Variants in ADCY8 observed in about 807,000 individuals in gnomAD.
ADCY8 encodes the protein adenylate cyclase type 8.
In ADCY8, 51 loss-of-function variants were observed where a neutral mutation model predicts 119.7. The ratio of observed to expected loss-of-function variants is 0.43; its 90% confidence interval spans 0.34 to 0.54. ADCY8 has a LOEUF of 0.54. ADCY8 is among the 20% of genes least tolerant of loss of function. ADCY8 has a pLI of 0.03. For synonymous variants in ADCY8, 665 were observed against 651.0 expected, an observed-to-expected ratio of 1.02 and a Z score of -0.33; for missense variants, 1,383 against 1,598.8, an observed-to-expected ratio of 0.87 and a Z score of 2.30.
At chr8:130,892,211 C>T (rs1586540532) in intron 7 of ADCY8, 1 of 152,120 alleles carries the variant, frequency 6.6e-6, no homozygotes, top group East Asian at 1.9e-4. Flanking sequence ...TGTAGGATTT[C>T]AGCACCCCTC....
rs1320361151 is a variant in ADCY8, at chr8:130,884,764, AG to A, written c.1912-4del. 6.2e-7 allele frequency: 1 copy of A among 1,613,752 alleles called. No homozygotes were observed. The highest frequency in any genetic ancestry group is 8.5e-7 in the Non-Finnish European group (1 of 1,179,736). ...TTTCTTGTTAGGGCAGCCAGAGTCT[AG>A]GGGGAAAGCACATGCAAACACAATA... On this transcript the variant is annotated splice_region_variant and splice_polypyrimidine_tract_variant and intron_variant, in intron 7 of 17. Transcript: ENST00000286355.
chr8:131,013,717 G>A (rs1221806499), intron 1 of ADCY8, among the ~76,000 whole-genome samples: 1 of 151,812 alleles, frequency 6.6e-6, no homozygotes, highest in Non-Finnish European at 1.5e-5. Flanking sequence ...AATTGGGTTT[G>A]AAGAAGCATT....
chr8:130,822,804 G>T (rs1816559916), intron 12 of ADCY8, among the ~76,000 whole-genome samples: 1 of 152,178 alleles, frequency 6.6e-6, no homozygotes, highest in African/African-American at 2.4e-5. Context: ...CCTTGGAAAG[G>T]TCATTTAACA....
chr8:130,903,089 T>A (rs1170593100), intron 7 of ADCY8, among the ~76,000 whole-genome samples: 3 of 152,068 alleles, frequency 2.0e-5, no homozygotes, highest in Non-Finnish European at 4.4e-5. Context: ...CCTCTTGGAG[T>A]CTGAGCATCT....
At chr8:131,016,889 T>C (rs553915177) in intron 1 of ADCY8, among the ~76,000 whole-genome samples, 1 of 152,096 alleles carries the variant, frequency 6.6e-6, no homozygotes, top group African/African-American at 2.4e-5. Flanking sequence ...CTGCTAAAAT[T>C]GACAGAACAC....
chr8:130,794,831 A>G (rs1815529790), intron 15 of ADCY8, among the ~76,000 whole-genome samples: 1 of 152,212 alleles, frequency 6.6e-6, no homozygotes, highest in Non-Finnish European at 1.5e-5. Context: ...TAGATGGGAA[A>G]ACTGAGGTGC....
chr8:130,847,395 C>T, intron 11 of ADCY8, 29 bp downstream of exon 11: 1 of 1,539,328 alleles, frequency 6.5e-7, no homozygotes, highest in Non-Finnish European at 9.0e-7. Context: ...ATGTCCAACT[C>T]TCACCAAGGG....
At chr8:130,783,566 G>T (rs780259051) in intron 17 of ADCY8, 125 bp downstream of exon 17, 1 of 624,994 alleles carries the variant, frequency 1.6e-6, no homozygotes, top group Non-Finnish European at 2.8e-6. Flanking sequence ...TCCTTGGCAG[G>T]GTCATGCTAG....
chr8:130,804,351 G>A (rs1815877194), intron 14 of ADCY8, among the ~76,000 whole-genome samples: 1 of 152,096 alleles, frequency 6.6e-6, no homozygotes, highest in Admixed American at 6.5e-5. Flanking sequence ...CTTCCCTTAG[G>A]TTCTAGTCTC....
intron 1 of ADCY8, among the ~76,000 whole-genome samples, chr8:131,032,348 C>T (rs1431186587): frequency 2.0e-5 from 3 of 152,058 alleles, no homozygotes; most frequent in Admixed American, 1.3e-4. Flanking sequence ...GGATAGAAAA[C>T]CCCAGTAGCT....
chr8:131,031,502 T>A (rs1442624630), intron 1 of ADCY8, among the ~76,000 whole-genome samples: 3 of 152,236 alleles, frequency 2.0e-5, no homozygotes, highest in Non-Finnish European at 2.9e-5. Context: ...GTCCTTGTTA[T>A]GGCTTGAATA....
At chr8:130,972,348 T>C (rs1253326076) in intron 2 of ADCY8, among the ~76,000 whole-genome samples, 1 of 152,198 alleles carries the variant, frequency 6.6e-6, no homozygotes, top group Non-Finnish European at 1.5e-5. Flanking sequence ...TCTCTCATCA[T>C]GTGTGTTTTG....
chr8:130,892,278 TG>T (rs1819215167), intron 7 of ADCY8: 1 of 152,164 alleles, frequency 6.6e-6, no homozygotes, highest in African/African-American at 2.4e-5. Flanking sequence ...TCAGGTCATT[TG>T]GGAAATCGTT....
Position 130,863,947 on chromosome 8 carries a change from T to C in ADCY8, c.2210+3899A>G, listed in dbSNP as rs1818030006. On this transcript the variant is annotated intron_variant, in intron 9 of 17. Transcript: ENST00000286355. Reference sequence around the variant, plus strand: ...TGCTCTTTCTTTATGGAGATCCAAGTTTCTAATCTACATTATTTTCCTGCT... The same window carrying C: ...TGCTCTTTCTTTATGGAGATCCAAGCTTCTAATCTACATTATTTTCCTGCT... 2.0e-5 allele frequency among the ~76,000 whole-genome samples: 3 copies of C among 152,220 alleles called. No homozygotes were observed. In the South Asian group the frequency reaches 6.2e-4, roughly 32 times the overall value.
chr8:130,976,793 T>C (rs187763733), intron 2 of ADCY8, among the ~76,000 whole-genome samples: 3 of 152,344 alleles, frequency 2.0e-5, no homozygotes, highest in African/African-American at 7.2e-5. Context: ...CAGGAGATTA[T>C]ATATCCTCCT....
At chr8:130,942,755 C>T (rs186834715) in intron 4 of ADCY8, among the ~76,000 whole-genome samples, 3 of 152,324 alleles carry the variant, frequency 2.0e-5, no homozygotes, top group Admixed American at 6.5e-5. Flanking sequence ...GATATTACTT[C>T]GTAACTCAAG....
At chr8:130,929,833 A>G (rs1198699509) in intron 5 of ADCY8, among the ~76,000 whole-genome samples, 1 of 152,256 alleles carries the variant, frequency 6.6e-6, no homozygotes, top group Admixed American at 6.5e-5. Context: ...GGGTGCAGAT[A>G]AATTTACAAT....
chr8:130,890,383 G>A (rs1819144690), intron 7 of ADCY8, among the ~76,000 whole-genome samples: 1 of 152,084 alleles, frequency 6.6e-6, no homozygotes, highest in Non-Finnish European at 1.5e-5. Flanking sequence ...AAAATAAGAA[G>A]ATTGTCCCTA....
intron 9 of ADCY8, among the ~76,000 whole-genome samples, chr8:130,862,970 G>C (rs1027181900): frequency 6.6e-6 from 1 of 152,192 alleles, no homozygotes; most frequent in African/African-American, 2.4e-5. Flanking sequence ...CTTCCATTGG[G>C]TGGAATAGTC....
Sources: gnomAD v4.1 joint callset for allele counts (sites outside exome capture counted in the v4.1 genomes callset) on GRCh38, gnomAD v4.1.1 for gene constraint, MANE v1.5 for transcripts, NCBI Gene and HGNC (gene_info 2026-07-23, HGNC 2026-07-21) for gene names.